Variants in ZNF600 observed in about 807,000 individuals in gnomAD.
ZNF600 encodes zinc finger protein 600, also known as zinc finger protein KR-ZNF1.
A neutral mutation model predicts 7.3 loss-of-function variants in ZNF600; 4 were observed. The observed-to-expected ratio is 0.55, with a 90% CI of 0.27 to 1.25. ZNF600 has a LOEUF of 1.25. ZNF600 is among the 50% of genes most tolerant of loss of function. ZNF600 has a pLI of 0.12. For missense variants in ZNF600, 911 were observed against 922.1 expected (o/e 0.99, Z 0.16); for synonymous variants, 290 against 308.9 (o/e 0.94, Z 0.64).
rs528594754 is a variant in ZNF600 at position 52,783,552 on chromosome 19, A to G, written c.-20+3043T>C. On this transcript the variant is annotated intron_variant, in intron 1 of 3. Coordinates refer to ENST00000648973, the Ensembl canonical transcript of ZNF600. ...AATTTTTAGTTTTCTTAGTAGAGACAGGGTTTCACCGTGTTAGCCAGGACG... is the reference window on the plus strand; with the variant it reads ...AATTTTTAGTTTTCTTAGTAGAGACGGGGTTTCACCGTGTTAGCCAGGACG... 4.2e-4 allele frequency among the ~76,000 whole-genome samples: 64 copies of G among 152,158 alleles called. No homozygotes were observed. The East Asian group carries it at 5.8e-3, about 14-fold the overall frequency.
rs541639860 is a variant in ZNF600 at position 52,782,929 on chromosome 19, AAG to A, written c.-20+3664_-20+3665del. Among the ~76,000 whole-genome samples the A allele has an allele frequency of 1.3e-3, 167 of 130,992 alleles. 1 individual carries two copies. Among genetic ancestry groups the A allele is most frequent in the African/African-American group, 4.4e-3 (163 of 36,648 alleles). The allele number at this position is 130,992 out of a possible 152,430, so 85.9% of individuals were successfully genotyped here. On this transcript the variant is annotated intron_variant, in intron 1 of 3. Transcript: ENST00000648973. Reference sequence around the variant, plus strand: ...ACACAAAAAACCAACTAAACTAATGAAGAGAGGAACTAGAAAAAAAAATTACA... The same window carrying A: ...ACACAAAAAACCAACTAAACTAATGAAGAGGAACTAGAAAAAAAAATTACA...
At chr19:52,796,054 G>C in the ZNF600 span, among the ~76,000 whole-genome samples, 1 of 152,126 alleles carries the variant, frequency 6.6e-6, no homozygotes, top group African/African-American at 2.4e-5. Flanking sequence ...GCATGGCTGT[G>C]GTCCCAGTGA....
At chr19:52,822,237 A>T in the ZNF600 span, among the ~76,000 whole-genome samples, 1 of 151,666 alleles carries the variant, frequency 6.6e-6, no homozygotes, top group Non-Finnish European at 1.5e-5. Flanking sequence ...ATGCCCGGTT[A>T]ATTTTTGTAT....
exon 4 of ZNF600, chr19:52,765,294 A>G: frequency 1.6e-6 from 1 of 638,592 alleles, no homozygotes; most frequent in South Asian, 1.4e-5. Context: ...ATGTCTAATG[A>G]GGTGTGAACA....
the ZNF600 span, among the ~76,000 whole-genome samples, chr19:52,827,851 A>G: frequency 6.6e-6 from 1 of 151,718 alleles, no homozygotes; most frequent in Non-Finnish European, 1.5e-5. Flanking sequence ...GGCCTAGAAG[A>G]TGGAATTTAA....
the ZNF600 span, among the ~76,000 whole-genome samples, chr19:52,812,373 G>A: frequency 7.1e-6 from 1 of 140,594 alleles, no homozygotes; most frequent in Non-Finnish European, 1.5e-5. Flanking sequence ...TGCCGGGTCT[G>A]TGTGGATAGA....
intron 1 of ZNF600, among the ~76,000 whole-genome samples, chr19:52,780,211 G>A (rs1266244253): frequency 3.3e-5 from 5 of 151,990 alleles, no homozygotes; most frequent in East Asian, 3.9e-4. Flanking sequence ...ACTCTGCGCC[G>A]ACCACCCTGG....
the ZNF600 span, among the ~76,000 whole-genome samples, chr19:52,802,761 C>CT: frequency 6.8e-3 from 873 of 127,556 alleles, 5 homozygotes; most frequent in Middle Eastern, 0.012. Context: ...CACGTTGTGA[C>CT]TTTTTTTTTT....
chr19:52,812,653 A>T, the ZNF600 span, among the ~76,000 whole-genome samples: 1 of 133,236 alleles, frequency 7.5e-6, no homozygotes. Flanking sequence ...ACCTCTGCCT[A>T]GGAAAACCAG....
chr19:52,774,524 A>T, intron 3 of ZNF600, 51 bp downstream of exon 5: 1 of 983,710 alleles, frequency 1.0e-6, no homozygotes, highest in Non-Finnish European at 1.2e-6. Flanking sequence ...AGGAAGGGCC[A>T]AGATAGACAA....
At chr19:52,810,516 A>C in the ZNF600 span, 3 of 1,592,656 alleles carry the variant, frequency 1.9e-6, 1 homozygote, top group Middle Eastern at 3.3e-4. Flanking sequence ...AGGCAAATCA[A>C]GGTGATCCCA....
chr19:52,777,315 G>T (rs942437002), intron 2 of ZNF600, among the ~76,000 whole-genome samples: 4 of 152,052 alleles, frequency 2.6e-5, no homozygotes, highest in Non-Finnish European at 5.9e-5. Context: ...AAGGCAGAGG[G>T]GCAGGGAGCT....
the ZNF600 span, among the ~76,000 whole-genome samples, chr19:52,832,624 C>T: frequency 2.6e-5 from 4 of 152,136 alleles, no homozygotes; most frequent in East Asian, 7.8e-4. Context: ...AACAATTAGC[C>T]GCTTGTGGTG....
chr19:52,783,750 A>G (rs2062742534), intron 1 of ZNF600, among the ~76,000 whole-genome samples: 1 of 151,656 alleles, frequency 6.6e-6, no homozygotes, highest in Non-Finnish European at 1.5e-5. Flanking sequence ...TGCTCATTTT[A>G]TGCCCCTCTC....
At chr19:52,812,143 G>A in the ZNF600 span, among the ~76,000 whole-genome samples, 4 of 123,846 alleles carry the variant, frequency 3.2e-5, no homozygotes, top group Non-Finnish European at 1.6e-5. Context: ...GAGGGTGGTG[G>A]GGGGGTCAGC....
At chr19:52,787,193 G>T (rs546939937), upstream of ZNF600, among the ~76,000 whole-genome samples, 37 of 152,286 alleles carry the variant, frequency 2.4e-4, no homozygotes, top group South Asian at 8.3e-4. Flanking sequence ...GATGCGGGAC[G>T]GAGAGCTCAG....
chr19:52,791,524 T>C (rs187448339), upstream of ZNF600, among the ~76,000 whole-genome samples: 13 of 152,130 alleles, frequency 8.5e-5, no homozygotes, highest in Non-Finnish European at 1.5e-4. Flanking sequence ...CTGGCTCCTT[T>C]CCTTTCCTCT....
the ZNF600 span, among the ~76,000 whole-genome samples, chr19:52,828,547 C>A: frequency 6.6e-6 from 1 of 152,056 alleles, no homozygotes; most frequent in Non-Finnish European, 1.5e-5. Flanking sequence ...ACAGCCAGGC[C>A]ATACAGCAAT....
chr19:52,799,307 C>T, the ZNF600 span: 1 of 382,734 alleles, frequency 2.6e-6, no homozygotes, highest in Non-Finnish European at 5.0e-6. Context: ...TATGTTTTGC[C>T]AGGTATGAAT....
Sources: allele counts gnomAD v4.1 joint callset (sites outside exome capture counted in the v4.1 genomes callset), GRCh38; gene constraint gnomAD v4.1.1; transcripts MANE v1.5; gene names NCBI Gene and HGNC (gene_info 2026-07-23, HGNC 2026-07-21).